GRK3: variants seen among roughly 807,000 people sequenced by gnomAD.
GRK3 encodes G protein-coupled receptor kinase 3, also known as adrenergic, beta, receptor kinase 2.
A neutral mutation model predicts 95.7 loss-of-function variants in GRK3; 54 were observed. The observed-to-expected ratio is 0.56, with a 90% CI of 0.45 to 0.71. The LOEUF is 0.71. GRK3 is among the 30% of genes least tolerant of loss of function. The pLI, the probability that GRK3 is intolerant of heterozygous loss-of-function variation, is 0.00. For missense variants in GRK3, 649 were observed against 851.2 expected (o/e 0.76, Z 2.96); for synonymous variants, 281 against 290.8 (o/e 0.97, Z 0.34).
chr22:25,704,544 AG>A (rs2085284966), intron 15 of GRK3, among the ~76,000 whole-genome samples: 1 of 152,102 alleles, frequency 6.6e-6, no homozygotes, highest in South Asian at 2.1e-4. Context: ...CTGAGTAGCT[AG>A]GACCACTGGG....
intron 14 of GRK3, 61 bp from the exon 15 acceptor site, chr22:25,704,048 T>G: frequency 3.2e-6 from 4 of 1,242,054 alleles, no homozygotes; most frequent in Middle Eastern, 2.3e-4. Context: ...TTAAGTCTGG[T>G]TGAGTGTTAG....
At chr22:25,687,105 C>T (rs893893532) in intron 10 of GRK3, among the ~76,000 whole-genome samples, 1 of 151,906 alleles carries the variant, frequency 6.6e-6, no homozygotes, top group African/African-American at 2.4e-5. Flanking sequence ...TAGGCATGAG[C>T]CACTGTGCCC....
chr22:25,661,444 C>T (rs1295203594), intron 3 of GRK3, 132 bp from the exon 4 acceptor site: 4 of 516,830 alleles, frequency 7.7e-6, no homozygotes, highest in Non-Finnish European at 1.4e-5. Flanking sequence ...TAGCTGTTTC[C>T]TGTGGAATAG....
At chr22:25,642,157 G>A (rs941100997) in intron 2 of GRK3, among the ~76,000 whole-genome samples, 13 of 152,214 alleles carry the variant, frequency 8.5e-5, no homozygotes, top group Non-Finnish European at 1.5e-4. Context: ...ACAGATGGCC[G>A]CGCGGTGGCT....
rs1464208194 is a variant in GRK3, at chr22:25,727,568, A to T, written c.*5118A>T. The T allele has an allele frequency of 6.6e-6, 1 of 152,262 alleles. No individual in the cohort carries two copies. Among genetic ancestry groups the T allele is most frequent in the Non-Finnish European group, 1.5e-5 (1 of 68,052 alleles). 9.4% of individuals were successfully genotyped at this position (152,262 alleles called of 1,614,324 possible). On this transcript the variant is annotated 3_prime_UTR_variant, in exon 21 of 21. Transcript: ENST00000324198. ...TGCCTTTATTAAAAACACAAACTAC[A>T]GAAAATGGGTTAAGAGTATACGCAT...
At chr22:25,641,464 T>A (rs2084742239) in intron 2 of GRK3, among the ~76,000 whole-genome samples, 1 of 152,244 alleles carries the variant, frequency 6.6e-6, no homozygotes, top group African/African-American at 2.4e-5. Context: ...ATAAAACACC[T>A]GTACCCTATG....
At chr22:25,641,946 T>G (rs2084746318) in intron 2 of GRK3, among the ~76,000 whole-genome samples, 1 of 152,248 alleles carries the variant, frequency 6.6e-6, no homozygotes, top group African/African-American at 2.4e-5. Flanking sequence ...TATTATTTCA[T>G]TTTGTCATTT....
At chr22:25,570,639 A>G (rs1484239266) in intron 1 of GRK3, among the ~76,000 whole-genome samples, 1 of 152,244 alleles carries the variant, frequency 6.6e-6, no homozygotes, top group African/African-American at 2.4e-5. Flanking sequence ...GGAAATGATT[A>G]ATTTGGCAAC....
chr22:25,660,730 T>C (rs17621721), intron 3 of GRK3, among the ~76,000 whole-genome samples: 3,365 of 152,300 alleles, frequency 0.022, 74 homozygotes, highest in Non-Finnish European at 0.028. Context: ...ATAGTGAAGA[T>C]CTTTGTGACA....
At chr22:25,600,438 C>T (rs551316403) in intron 1 of GRK3, among the ~76,000 whole-genome samples, 2 of 152,274 alleles carry the variant, frequency 1.3e-5, no homozygotes, top group South Asian at 4.2e-4. Flanking sequence ...CCGTGCCTGG[C>T]CATGTCTGCA....
chr22:25,603,538 C>T (rs531611995), intron 1 of GRK3, among the ~76,000 whole-genome samples: 2 of 152,146 alleles, frequency 1.3e-5, no homozygotes, highest in African/African-American at 4.8e-5. Context: ...TGTAATAAGC[C>T]CCAGTATCTT....
chr22:25,621,900 G>A (rs2084588799), intron 2 of GRK3, among the ~76,000 whole-genome samples: 1 of 152,126 alleles, frequency 6.6e-6, no homozygotes, highest in Non-Finnish European at 1.5e-5. Context: ...CAAGGTATGG[G>A]GCCAGTTCTC....
At chr22:25,614,841 A>G (rs1000063056) in intron 2 of GRK3, among the ~76,000 whole-genome samples, 2 of 152,216 alleles carry the variant, frequency 1.3e-5, no homozygotes, top group African/African-American at 4.8e-5. Context: ...GGGGACATTC[A>G]ATCAAATATA....
At chr22:25,702,089 CTTT>C (rs773913546) in intron 13 of GRK3, among the ~76,000 whole-genome samples, 2 of 143,118 alleles carry the variant, frequency 1.4e-5, no homozygotes, top group Admixed American at 7.0e-5. Flanking sequence ...TTGTTTTGAT[CTTT>C]TTTTTTTTTC....
chr22:25,697,078 G>C (rs971173306), intron 13 of GRK3, among the ~76,000 whole-genome samples: 2 of 152,174 alleles, frequency 1.3e-5, no homozygotes, highest in Admixed American at 1.3e-4. Context: ...CCTACCTACA[G>C]AATTTGGAGA....
intron 19 of GRK3, among the ~76,000 whole-genome samples, chr22:25,719,229 C>T (rs1345023019): frequency 1.3e-5 from 2 of 151,864 alleles, no homozygotes; most frequent in Non-Finnish European, 2.9e-5. Context: ...GTTTGGGAAC[C>T]TTTGAGGGTC....
chr22:25,714,639 A>G, intron 18 of GRK3, 69 bp downstream of exon 18: 1 of 1,425,742 alleles, frequency 7.0e-7, no homozygotes, highest in Non-Finnish European at 9.4e-7. Flanking sequence ...GTAAAGCTGA[A>G]AAAGTATTTG....
chr22:25,691,098 A>G (rs1234885155), intron 12 of GRK3, among the ~76,000 whole-genome samples: 1 of 152,158 alleles, frequency 6.6e-6, no homozygotes, highest in Non-Finnish European at 1.5e-5. Flanking sequence ...CAGAAACACC[A>G]TGGAACGTGC....
intron 7 of GRK3, among the ~76,000 whole-genome samples, chr22:25,672,827 G>A (rs2084993632): frequency 6.6e-6 from 1 of 151,898 alleles, no homozygotes; most frequent in Non-Finnish European, 1.5e-5. Context: ...TACAGGCCAC[G>A]TTCTAACACG....
Sources: allele counts gnomAD v4.1 joint callset (sites outside exome capture counted in the v4.1 genomes callset), GRCh38; gene constraint gnomAD v4.1.1; transcripts MANE v1.5; gene names NCBI Gene and HGNC (gene_info 2026-07-23, HGNC 2026-07-21).